Variants in ANKS1B observed in about 807,000 individuals in gnomAD.
ANKS1B encodes the protein ankyrin repeat and sterile alpha motif domain-containing protein 1B.
Under a neutral mutation model 148.3 loss-of-function variants are expected in ANKS1B, and 36 were observed. That is an observed-to-expected ratio of 0.24 (90% confidence interval 0.19 to 0.32). ANKS1B has a LOEUF of 0.32. ANKS1B is among the 10% of genes least tolerant of loss of function. The pLI, the probability that ANKS1B is intolerant of heterozygous loss-of-function variation, is 1.00. For synonymous variants in ANKS1B, 542 were observed against 560.8 expected, an observed-to-expected ratio of 0.97 and a Z score of 0.47; for missense variants, 1,157 against 1,542.6, an observed-to-expected ratio of 0.75 and a Z score of 4.19.
chr12:99,871,461 G>A (rs1172204676), intron 1 of ANKS1B, among the ~76,000 whole-genome samples: 4 of 152,056 alleles, frequency 2.6e-5, no homozygotes, highest in African/African-American at 9.7e-5. Context: ...GACGTTGGTA[G>A]TTTGATAGGA....
intron 14 of ANKS1B, chr12:99,155,198 T>A: frequency 1.6e-6 from 2 of 1,235,314 alleles, no homozygotes; most frequent in East Asian, 5.3e-5. Context: ...TCCTTTTCCT[T>A]TCTTTCCTGT....
chr12:99,486,211 T>C (rs1416436222), intron 10 of ANKS1B, among the ~76,000 whole-genome samples: 2 of 152,040 alleles, frequency 1.3e-5, no homozygotes, highest in Non-Finnish European at 2.9e-5. Flanking sequence ...TTTTTTAATA[T>C]TCCTTTTTTC....
At chr12:99,806,314 A>G (rs2067638106) in intron 4 of ANKS1B, 90 bp downstream of exon 4, 14 of 1,486,070 alleles carry the variant, frequency 9.4e-6, no homozygotes, top group Non-Finnish European at 1.1e-5. Flanking sequence ...AATTTGATTA[A>G]AAGATTTCTA....
rs534350177 is a variant in ANKS1B, at chr12:99,600,271, T to C, written c.1272+54796A>G. Among the ~76,000 whole-genome samples, 256 of 152,102 alleles carry C rather than the reference T, an allele frequency of 1.7e-3. 4 individuals are homozygous for C. Among genetic ancestry groups the C allele is most frequent in the Non-Finnish European group, 1.7e-3 (114 of 67,980 alleles). On this transcript the variant is annotated intron_variant, in intron 9 of 26. Coordinates refer to ENST00000683438, the MANE Select transcript of ANKS1B (RefSeq NM_001352186.2). Reference sequence around the variant, plus strand: ...CTTAAAAGGCTTTGGGAAAAAATTATTACTAATATTAACCCTCTAGGGAAC... The same window carrying C: ...CTTAAAAGGCTTTGGGAAAAAATTACTACTAATATTAACCCTCTAGGGAAC...
intron 11 of ANKS1B, among the ~76,000 whole-genome samples, chr12:99,430,973 T>C (rs975723991): frequency 6.6e-6 from 1 of 152,194 alleles, no homozygotes; most frequent in African/African-American, 2.4e-5. Context: ...AAGCAAGCAG[T>C]GTGGTTAATT....
chr12:99,814,241 C>T (rs1436062039), intron 2 of ANKS1B, among the ~76,000 whole-genome samples: 1 of 151,642 alleles, frequency 6.6e-6, no homozygotes, highest in Non-Finnish European at 1.5e-5. Context: ...CATTAAGAAA[C>T]ACATGACTGT....
chr12:98,842,868 A>T (rs1015839824), intron 17 of ANKS1B, among the ~76,000 whole-genome samples: 2 of 152,242 alleles, frequency 1.3e-5, no homozygotes, highest in African/African-American at 4.8e-5. Context: ...TTATAAGTGC[A>T]CAATACAGTA....
At chr12:99,700,463 C>T (rs2054622951) in intron 8 of ANKS1B, among the ~76,000 whole-genome samples, 1 of 152,160 alleles carries the variant, frequency 6.6e-6, no homozygotes, top group African/African-American at 2.4e-5. Context: ...ATTTATTACA[C>T]ACTGTGGCTG....
chr12:99,775,620 G>A lies in ANKS1B; in HGVS notation c.889C>T (p.Pro297Ser), dbSNP rs747576355. The change falls in exon 7 of 27, where the codon CCT (proline) becomes TCT (serine). Residue 297 changes from proline (P) to serine (S), a missense_variant. Physicochemically the swap from Pro to Ser is moderately conservative, Grantham distance 74 (BLOSUM62 -1). Transcript: ENST00000683438. Reference sequence around the variant, plus strand: ...TCTTGTGTTGCATCTTCCTGTACAGGCTCTTCGAGGACTGTAGATCTTCCC... The same window carrying A: ...TCTTGTGTTGCATCTTCCTGTACAGACTCTTCGAGGACTGTAGATCTTCCC... ...GVGRSTVLEE[P>S]VQEDATQETH... 1 of 1,612,068 alleles carries A rather than the reference G, an allele frequency of 6.2e-7. No individual in the cohort carries two copies. The highest frequency in any genetic ancestry group is 8.5e-7 in the Non-Finnish European group (1 of 1,178,606).
rs556757868 is a variant in ANKS1B at position 99,789,743 on chromosome 12, C to T, written c.670-7646G>A. On this transcript the variant is annotated intron_variant, in intron 4 of 26. Transcript: ENST00000683438. ...ATTAACGAGCTTGAAGACAGGTATT[C>T]GAAGACACACTGAGAGTCTACAGCC... Among the ~76,000 whole-genome samples the T allele has an allele frequency of 1.1e-3, 171 of 152,088 alleles. 1 individual carries two copies. The highest frequency in any genetic ancestry group is 1.1e-3 in the Non-Finnish European group (74 of 67,980).
At chr12:99,319,997 T>C (rs1336728985) in intron 12 of ANKS1B, among the ~76,000 whole-genome samples, 1 of 152,230 alleles carries the variant, frequency 6.6e-6, no homozygotes, top group Non-Finnish European at 1.5e-5. Context: ...AGTTCTTTTC[T>C]TTAAGAATGT....
chr12:99,430,588 C>T (rs988368282), intron 11 of ANKS1B, among the ~76,000 whole-genome samples: 1 of 152,152 alleles, frequency 6.6e-6, no homozygotes, highest in Non-Finnish European at 1.5e-5. Context: ...GAGTAACATC[C>T]TCCACCTATT....
intron 2 of ANKS1B, among the ~76,000 whole-genome samples, chr12:99,814,721 T>C (rs997970868): frequency 1.3e-5 from 2 of 151,746 alleles, no homozygotes; most frequent in African/African-American, 2.4e-5. Flanking sequence ...ATTGTGAAAA[T>C]AGAATTTAGA....
intron 1 of ANKS1B, among the ~76,000 whole-genome samples, chr12:99,962,836 C>G (rs1321899817): frequency 8.4e-6 from 1 of 118,628 alleles, no homozygotes; most frequent in Non-Finnish European, 1.6e-5. Context: ...TTTTTTGAGA[C>G]GGAGTCTCGC....
At chr12:99,524,537 G>T (rs2096907465) in intron 9 of ANKS1B, among the ~76,000 whole-genome samples, 1 of 152,152 alleles carries the variant, frequency 6.6e-6, no homozygotes, top group Admixed American at 6.5e-5. Context: ...GCAACACGAG[G>T]TATCTGACTG....
At chr12:99,727,324 A>T (rs901469975) in intron 8 of ANKS1B, among the ~76,000 whole-genome samples, 1 of 152,066 alleles carries the variant, frequency 6.6e-6, no homozygotes, top group African/African-American at 2.4e-5. Context: ...CAAAAATCAC[A>T]AGCATTCCTA....
chr12:98,745,944 G>GC (rs2097875903), intron 26 of ANKS1B, 95 bp from the exon 27 acceptor site: 7 of 1,350,672 alleles, frequency 5.2e-6, no homozygotes, highest in Non-Finnish European at 6.9e-6. Flanking sequence ...GAGGCCCCTC[G>GC]CCCCAGGCGC....
intron 16 of ANKS1B, among the ~76,000 whole-genome samples, chr12:99,064,675 G>A (rs923264959): frequency 2.6e-5 from 4 of 152,306 alleles, no homozygotes; most frequent in African/African-American, 9.6e-5. Context: ...TGTGCCCAGG[G>A]AGATTAACTC....
At chr12:99,223,136 A>G (rs2085372826) in intron 14 of ANKS1B, among the ~76,000 whole-genome samples, 1 of 152,216 alleles carries the variant, frequency 6.6e-6, no homozygotes, top group Non-Finnish European at 1.5e-5. Context: ...AAGGTTAAAT[A>G]TTACTAAATA....
Sources: gnomAD v4.1 joint callset for allele counts (sites outside exome capture counted in the v4.1 genomes callset) on GRCh38, gnomAD v4.1.1 for gene constraint, MANE v1.5 for transcripts, NCBI Gene and HGNC (gene_info 2026-07-23, HGNC 2026-07-21) for gene names.